ALDH1L1: variants seen among roughly 807,000 people sequenced by gnomAD.
ALDH1L1 encodes aldehyde dehydrogenase 1 family member L1.
In ALDH1L1, 68 loss-of-function variants were observed where a neutral mutation model predicts 101.1. That is an observed-to-expected ratio of 0.67 (90% confidence interval 0.55 to 0.82). The LOEUF (loss-of-function observed/expected upper bound fraction) is 0.82. Ranked by LOEUF, ALDH1L1 falls within the 40% of genes least tolerant of loss-of-function variation. The pLI is 0.00. For synonymous variants in ALDH1L1, 486 were observed against 470.8 expected (o/e 1.03, Z -0.42); for missense variants, 1,087 against 1,172.7 (o/e 0.93, Z 1.07).
intron 1 of ALDH1L1, among the ~76,000 whole-genome samples, chr3:126,168,203 T>C (rs1179917516): frequency 6.6e-6 from 1 of 152,144 alleles, no homozygotes; most frequent in East Asian, 1.9e-4. Flanking sequence ...GTTAACACAT[T>C]AACTAAACTC....
chr3:126,135,422 C>G lies in ALDH1L1; in HGVS notation c.1472+113G>C, dbSNP rs141340904. ...CTGATGGCCTCGGTCCCATAGCCTC[C>G]CCAGGACCCAGCTCCTCCTGGCAGG... On this transcript the variant is annotated intron_variant, in intron 12 of 22. Transcript: ENST00000393434. 3,827 of 1,461,454 alleles carry G rather than the reference C, an allele frequency of 2.6e-3. 8 individuals carry two copies. The highest frequency in any genetic ancestry group is 3.4e-3 in the Non-Finnish European group (3,655 of 1,090,786). 90.5% of individuals were successfully genotyped at this position (1,461,454 alleles called of 1,614,324 possible).
chr3:126,187,729 A>G (rs2081529076), intron 1 of ALDH1L1, among the ~76,000 whole-genome samples: 1 of 152,048 alleles, frequency 6.6e-6, no homozygotes, highest in African/African-American at 2.4e-5. Flanking sequence ...TCTGAGCTGG[A>G]CGAGGAAAAT....
intron 1 of ALDH1L1, among the ~76,000 whole-genome samples, chr3:126,165,834 T>C (rs1021459950): frequency 4.6e-5 from 7 of 152,222 alleles, no homozygotes; most frequent in African/African-American, 1.7e-4. Context: ...ATGTAGCTAG[T>C]GGTCTAATGA....
chr3:126,167,860 T>A (rs2081199639), intron 1 of ALDH1L1, among the ~76,000 whole-genome samples: 1 of 152,184 alleles, frequency 6.6e-6, no homozygotes, highest in African/African-American at 2.4e-5. Flanking sequence ...AACAGCATTA[T>A]ATTTCAGAGC....
chr3:126,162,154 C>T (rs1353068855), intron 1 of ALDH1L1, among the ~76,000 whole-genome samples: 1 of 152,142 alleles, frequency 6.6e-6, no homozygotes, highest in Admixed American at 6.6e-5. Context: ...AAAGGTATTA[C>T]AAATAGGATG....
At position 126,157,477 on chromosome 3, in the gene ALDH1L1, A is replaced by G. The variant is rs535709835; in HGVS notation, c.394T>C (p.Phe132Leu). Reference sequence around the variant, plus strand: ...CCATCATCCGCCCAGAAGATGGAAAACCCCCCTTTCTTATCTCCGTGAATG... The same window carrying G: ...CCATCATCCGCCCAGAAGATGGAAAGCCCCCCTTTCTTATCTCCGTGAATG... ...TLIHGDKKGG[F>L]SIFWADDGLD... Residue 132 changes from phenylalanine to leucine, a missense_variant, in exon 4 of 23, where the codon TTT becomes CTT. Coordinates refer to ENST00000393434, the MANE Select transcript of ALDH1L1 (RefSeq NM_012190.4). The G allele has an allele frequency of 8.7e-6, 14 of 1,613,026 alleles. No homozygotes were observed. The highest frequency in any genetic ancestry group is 1.0e-5 in the Non-Finnish European group (12 of 1,179,794).
Position 126,149,951 on chromosome 3 carries a change from G to A in ALDH1L1, c.984+455C>T, listed in dbSNP as rs562706469. Among the ~76,000 whole-genome samples the A allele has an allele frequency of 5.9e-5, 9 of 152,320 alleles. No individual in the cohort carries two copies. In the South Asian group the frequency reaches 1.5e-3, roughly 25 times the overall value. ...GTTGAGAAGACTGAGTCTTAGAGACGAAAGCTCCCTACAGCATCATATTGG... is the reference window on the plus strand; with the variant it reads ...GTTGAGAAGACTGAGTCTTAGAGACAAAAGCTCCCTACAGCATCATATTGG... On this transcript the variant is annotated intron_variant, in intron 8 of 22. Transcript: ENST00000393434.
At chr3:126,184,767 G>T (rs992455601), upstream of ALDH1L1, among the ~76,000 whole-genome samples, 2 of 152,172 alleles carry the variant, frequency 1.3e-5, no homozygotes, top group Non-Finnish European at 2.9e-5. Context: ...TTGTTTTTGG[G>T]GAATCAGTAA....
chr3:126,121,149 C>T (rs980685087), intron 16 of ALDH1L1, among the ~76,000 whole-genome samples: 2 of 152,292 alleles, frequency 1.3e-5, no homozygotes, highest in South Asian at 2.1e-4. Flanking sequence ...AAGCACAGAT[C>T]GGGATGATGC....
intron 12 of ALDH1L1, among the ~76,000 whole-genome samples, chr3:126,132,170 C>A (rs773916961): frequency 6.6e-6 from 1 of 152,218 alleles, no homozygotes; most frequent in African/African-American, 2.4e-5. Context: ...TATGAGGGTG[C>A]CCCTCTCATC....
chr3:126,113,749 G>T (rs1280820554), intron 18 of ALDH1L1, among the ~76,000 whole-genome samples: 1 of 152,206 alleles, frequency 6.6e-6, no homozygotes, highest in African/African-American at 2.4e-5. Flanking sequence ...GCATATTTGG[G>T]GACCTGGCTG....
At chr3:126,131,655 G>A in intron 12 of ALDH1L1, 121 bp from the exon 13 acceptor site, 1 of 1,142,668 alleles carries the variant, frequency 8.8e-7, no homozygotes, top group African/African-American at 1.6e-5. Flanking sequence ...GCCACTCTCA[G>A]ATGTGCGGAC....
intron 22 of ALDH1L1, chr3:126,105,426 C>G: frequency 2.4e-6 from 1 of 415,858 alleles, no homozygotes; most frequent in East Asian, 5.2e-5. Context: ...CCAACTCCTC[C>G]CTGCTATGCA....
At position 126,157,454 on chromosome 3, in the gene ALDH1L1, A is replaced by T; in HGVS notation, c.417T>A (p.Asp139Glu). The T allele has an allele frequency of 6.2e-7, 1 of 1,614,132 alleles. No homozygotes were observed. Among genetic ancestry groups the T allele is most frequent in the South Asian group, 1.1e-5 (1 of 91,068 alleles). Reference protein sequence around the residue: ...KGGFSIFWADDGLDTGDLLLQ... With the variant: ...KGGFSIFWADEGLDTGDLLLQ... The stretch of plus-strand genomic sequence containing the variant: ...GCAGCAGGTCTCCGGTGTCCAGACC[A>T]TCATCCGCCCAGAAGATGGAAAACC... The change falls in exon 4 of 23, where the codon GAT (aspartate) becomes GAA (glutamate). Residue 139 changes from aspartate (D) to glutamate (E), a missense_variant. By Grantham distance (45) the Asp-to-Glu change is conservative (BLOSUM62 2). Around this residue, in one of 2 missense-constraint regions of ALDH1L1, gnomAD observed 645 missense variants for 637.0 expected, o/e 1.01. Coordinates refer to ENST00000393434, the MANE Select transcript of ALDH1L1 (RefSeq NM_012190.4).
intron 1 of ALDH1L1, among the ~76,000 whole-genome samples, chr3:126,192,774 G>A (rs1021723359): frequency 1.3e-5 from 2 of 152,182 alleles, no homozygotes; most frequent in Non-Finnish European, 2.9e-5. Flanking sequence ...TTGTCAGCTT[G>A]TTAAAAGAAA....
upstream of ALDH1L1, among the ~76,000 whole-genome samples, chr3:126,184,573 G>A (rs1279169747): frequency 1.3e-5 from 2 of 152,200 alleles, no homozygotes; most frequent in Admixed American, 6.5e-5. Flanking sequence ...TTTCCGCAGG[G>A]CCCTGGTGGC....
rs151095334 is a variant in ALDH1L1 at position 126,108,609 on chromosome 3, G to A, written c.2347+1335C>T. Among the ~76,000 whole-genome samples the A allele has an allele frequency of 4.1e-3, 628 of 152,342 alleles. 5 individuals are homozygous for A. The highest frequency in any genetic ancestry group is 0.014 in the African/African-American group (571 of 41,588). ...GTGACAGCAGCAGTGCAATGGTCAC[G>A]AGAGCTCTGTTGAGGTGTGCGGTGC... On this transcript the variant is annotated intron_variant, in intron 20 of 22. Coordinates refer to ENST00000393434, the MANE Select transcript of ALDH1L1 (RefSeq NM_012190.4).
rs1401883089 is a variant in ALDH1L1, at chr3:126,118,083, T to C, written c.1904A>G (p.Gln635Arg). The change falls in exon 17 of 23, where the codon CAG (glutamine) becomes CGG (arginine). Residue 635 changes from glutamine (Q) to arginine (R), a missense_variant. This residue lies in a region of ALDH1L1 where 442 missense variants were observed against 535.7 expected (regional missense o/e 0.83). Coordinates refer to ENST00000393434, the MANE Select transcript of ALDH1L1 (RefSeq NM_012190.4). Reference sequence around the variant, plus strand: ...CACATCAGGATGGTCTGAGAGTCTCTGGCCGACCAGGGAGCCTGTGGGCGG... The same window carrying C: ...CACATCAGGATGGTCTGAGAGTCTCCGGCCGACCAGGGAGCCTGTGGGCGG... ...VLPGSGSLVG[Q>R]RLSDHPDVRK... 1.3e-6 allele frequency: 2 copies of C among 1,571,048 alleles called. No individual in the cohort carries two copies. The highest frequency in any genetic ancestry group is 1.7e-6 in the Non-Finnish European group (2 of 1,151,724).
chr3:126,115,165 C>T (rs1294682067), intron 17 of ALDH1L1: 1 of 437,142 alleles, frequency 2.3e-6, no homozygotes, highest in South Asian at 1.6e-5. Context: ...GCACCATCCG[C>T]TGGCACAGCT....
Sources: allele counts gnomAD v4.1 joint callset (sites outside exome capture counted in the v4.1 genomes callset), GRCh38; gene constraint gnomAD v4.1.1; regional missense constraint gnomAD v4.1.1; transcripts MANE v1.5; gene names NCBI Gene and HGNC (gene_info 2026-07-23, HGNC 2026-07-21).